SNTB1: variants seen among roughly 807,000 people sequenced by gnomAD.
SNTB1 encodes the protein syntrophin beta 1.
Under a neutral mutation model 48.9 loss-of-function variants are expected in SNTB1, and 36 were observed. The observed-to-expected ratio is 0.74, with a 90% CI of 0.56 to 0.97. The LOEUF (loss-of-function observed/expected upper bound fraction) is 0.97. SNTB1 is among the 50% of genes least tolerant of loss of function. The probability of loss-of-function intolerance (pLI) is 0.00; values close to 1 mark genes in which losing one functional copy is unlikely to be tolerated. For missense variants in SNTB1, 786 were observed against 703.4 expected (o/e 1.12, Z -1.33); for synonymous variants, 299 against 294.6 (o/e 1.01, Z -0.15).
Position 120,811,372 on chromosome 8 carries a change from CG to C in SNTB1, c.471del (p.Asp158ThrfsTer6), listed in dbSNP as rs755594964. ...GCTCCGTTCACGGACAGGATGGCGT[CG>C]CCCACGTACAGGGCTTGGGTCTGGT... The part of the protein sequence containing the change: ...AADQTQALYV[G>X]DAILSVNGAD... On this transcript the variant is annotated frameshift_variant, in exon 1 of 7. Transcript: ENST00000517992. LOFTEE classifies it high-confidence loss of function. 2.5e-6 allele frequency: 4 copies of C among 1,613,688 alleles called. No homozygotes were observed. The South Asian group carries it at 4.4e-5, about 18-fold the overall frequency.
intron 1 of SNTB1, among the ~76,000 whole-genome samples, chr8:120,772,306 C>G (rs368573289): frequency 4.0e-5 from 6 of 151,188 alleles, no homozygotes; most frequent in African/African-American, 1.5e-4. Context: ...AGTGCAGTGG[C>G]GTGATCTCGG....
intron 1 of SNTB1, among the ~76,000 whole-genome samples, chr8:120,721,625 G>C (rs1286198750): frequency 6.6e-6 from 1 of 151,764 alleles, no homozygotes; most frequent in African/African-American, 2.4e-5. Context: ...TAACCATAAT[G>C]CCATTTTTTA....
chr8:120,791,400 T>C (rs907351895), intron 1 of SNTB1, among the ~76,000 whole-genome samples: 5 of 151,990 alleles, frequency 3.3e-5, no homozygotes, highest in African/African-American at 4.8e-5. Context: ...AAAGAATTTA[T>C]GACTAAAACC....
At chr8:120,592,662 G>A (rs1816261201) in intron 3 of SNTB1, among the ~76,000 whole-genome samples, 1 of 152,134 alleles carries the variant, frequency 6.6e-6, no homozygotes, top group Non-Finnish European at 1.5e-5. Context: ...CTCAGATGGA[G>A]CTTTTAGGCT....
At chr8:120,707,423 A>G (rs1818395853) in intron 1 of SNTB1, among the ~76,000 whole-genome samples, 1 of 152,166 alleles carries the variant, frequency 6.6e-6, no homozygotes, top group Non-Finnish European at 1.5e-5. Context: ...AATTCCTAAG[A>G]ATTACATCAG....
chr8:120,630,718 A>G (rs1336574557), intron 3 of SNTB1, among the ~76,000 whole-genome samples: 2 of 152,082 alleles, frequency 1.3e-5, no homozygotes, highest in African/African-American at 4.8e-5. Context: ...TCCATTAGAG[A>G]ACCACCCCTC....
intron 5 of SNTB1, among the ~76,000 whole-genome samples, chr8:120,546,528 T>A (rs181902328): frequency 6.6e-6 from 1 of 152,188 alleles, no homozygotes; most frequent in African/African-American, 2.4e-5. Context: ...CAGTCTGGAG[T>A]GCAGTGGCAT....
intron 1 of SNTB1, among the ~76,000 whole-genome samples, chr8:120,723,424 T>C (rs918766093): frequency 1.3e-5 from 2 of 152,216 alleles, no homozygotes; most frequent in Non-Finnish European, 2.9e-5. Flanking sequence ...AAATTATTTT[T>C]TGAAGGCAAA....
intron 2 of SNTB1, among the ~76,000 whole-genome samples, chr8:120,687,295 G>GTTCTCA (rs1818050268): frequency 6.6e-6 from 1 of 152,172 alleles, no homozygotes; most frequent in African/African-American, 2.4e-5. Flanking sequence ...CAACTTCAAG[G>GTTCTCA]AGCCTAGAAT....
chr8:120,664,512 TA>T (rs1313447856), intron 2 of SNTB1, among the ~76,000 whole-genome samples: 1 of 152,254 alleles, frequency 6.6e-6, no homozygotes, highest in East Asian at 1.9e-4. Context: ...AGAATTTTAA[TA>T]AATAAAATCA....
chr8:120,740,042 A>C (rs1243136671), intron 1 of SNTB1, among the ~76,000 whole-genome samples: 2 of 152,216 alleles, frequency 1.3e-5, no homozygotes, highest in African/African-American at 4.8e-5. Context: ...GAAATTCAGC[A>C]GGAAAGCAGT....
Position 120,736,947 on chromosome 8 carries a change from C to T in SNTB1, c.572-43039G>A, listed in dbSNP as rs546715587. Reference sequence around the variant, plus strand: ...TCCATCTCTCTCTCTTTCCTTCTTTCTGTGTCTCACTTTCTTCCTCAAAAG... The same window carrying T: ...TCCATCTCTCTCTCTTTCCTTCTTTTTGTGTCTCACTTTCTTCCTCAAAAG... On this transcript the variant is annotated intron_variant, in intron 1 of 6. Coordinates refer to ENST00000517992, the MANE Select transcript of SNTB1 (RefSeq NM_021021.4). Among the ~76,000 whole-genome samples the T allele has an allele frequency of 4.6e-5, 7 of 152,272 alleles. No individual in the cohort carries two copies. The East Asian group carries it at 1.4e-3, about 29-fold the overall frequency.
intron 4 of SNTB1, among the ~76,000 whole-genome samples, chr8:120,552,134 G>T (rs894610065): frequency 6.6e-6 from 1 of 152,100 alleles, no homozygotes; most frequent in Non-Finnish European, 1.5e-5. Context: ...GAGTTTCTGT[G>T]AATTTCCTAC....
At chr8:120,707,516 C>T (rs1469801761) in intron 1 of SNTB1, among the ~76,000 whole-genome samples, 2 of 152,132 alleles carry the variant, frequency 1.3e-5, no homozygotes, top group African/African-American at 4.8e-5. Context: ...AAGGCTAAAC[C>T]TCTAGAAGGT....
At chr8:120,649,801 G>A (rs1452349632) in intron 2 of SNTB1, among the ~76,000 whole-genome samples, 2 of 152,160 alleles carry the variant, frequency 1.3e-5, no homozygotes, top group Non-Finnish European at 2.9e-5. Context: ...TCAGACTGCT[G>A]TGCTAGCAAT....
intron 1 of SNTB1, among the ~76,000 whole-genome samples, chr8:120,727,994 G>A (rs1239370177): frequency 6.6e-6 from 1 of 152,028 alleles, no homozygotes; most frequent in Non-Finnish European, 1.5e-5. Flanking sequence ...CGTTGCCTTT[G>A]TGATTTATTT....
At chr8:120,694,256 AG>A (rs1409647112) in intron 1 of SNTB1, among the ~76,000 whole-genome samples, 1 of 152,194 alleles carries the variant, frequency 6.6e-6, no homozygotes, top group Non-Finnish European at 1.5e-5. Flanking sequence ...TTAGGCTAAA[AG>A]ATACGTTATT....
intron 2 of SNTB1, among the ~76,000 whole-genome samples, chr8:120,691,409 T>C (rs772698135): frequency 3.3e-5 from 5 of 152,212 alleles, no homozygotes; most frequent in Non-Finnish European, 7.3e-5. Context: ...ACACTTTTTG[T>C]CTAAATTTTT....
intron 3 of SNTB1, among the ~76,000 whole-genome samples, chr8:120,624,466 A>C (rs1816844153): frequency 6.6e-6 from 1 of 152,166 alleles, no homozygotes; most frequent in African/African-American, 2.4e-5. Context: ...TGATAATGGC[A>C]TTAATCCATT....
Sources: gnomAD v4.1 joint callset for allele counts (sites outside exome capture counted in the v4.1 genomes callset) on GRCh38, gnomAD v4.1.1 for gene constraint, MANE v1.5 for transcripts, NCBI Gene and HGNC (gene_info 2026-07-23, HGNC 2026-07-21) for gene names.